The following PCDHGB4 variants were observed in gnomAD, a reference collection of about 807,000 sequenced individuals.
The protein encoded by PCDHGB4 is protocadherin gamma-B4.
In PCDHGB4, 38 loss-of-function variants were observed where a neutral mutation model predicts 60.5. That is an observed-to-expected ratio of 0.63 (90% CI 0.48 to 0.82). The LOEUF is 0.82. Ranked by LOEUF, PCDHGB4 falls within the 40% of genes least tolerant of loss-of-function variation. The pLI, the probability that PCDHGB4 is intolerant of heterozygous loss-of-function variation, is 0.00. For synonymous variants in PCDHGB4, 456 were observed against 509.7 expected (o/e 0.89, Z 1.42); for missense variants, 1,109 against 1,209.6 (o/e 0.92, Z 1.23).
intron 1 of PCDHGB4, among the ~76,000 whole-genome samples, chr5:141,439,043 G>T (rs1688170264): frequency 6.6e-6 from 1 of 151,346 alleles, no homozygotes; most frequent in Non-Finnish European, 1.5e-5. Flanking sequence ...CAGTTCATAA[G>T]ATTTCCATAT....
chr5:141,499,404 T>G (rs1468724077), intron 2 of PCDHGB4, among the ~76,000 whole-genome samples: 3 of 152,178 alleles, frequency 2.0e-5, no homozygotes, highest in African/African-American at 7.2e-5. Context: ...ACATGCTCAT[T>G]ATAGAAACAT....
intron 1 of PCDHGB4, among the ~76,000 whole-genome samples, chr5:141,443,756 A>G (rs1234457212): frequency 6.6e-6 from 1 of 152,232 alleles, no homozygotes; most frequent in Non-Finnish European, 1.5e-5. Flanking sequence ...TTGGAAGCTT[A>G]CAATATACAA....
At chr5:141,420,211 T>C (rs759486952) in intron 1 of PCDHGB4, 11 of 1,612,388 alleles carry the variant, frequency 6.8e-6, no homozygotes, top group African/African-American at 1.3e-5. Context: ...TCAACAAAGA[T>C]AGCATGCTAC....
chr5:141,418,597 G>T, intron 1 of PCDHGB4: 7 of 1,614,052 alleles, frequency 4.3e-6, no homozygotes, highest in South Asian at 1.1e-5. Flanking sequence ...GCCAGGACGT[G>T]TACAGGGTTA....
intron 1 of PCDHGB4, among the ~76,000 whole-genome samples, chr5:141,452,868 C>T (rs1339532803): frequency 6.6e-6 from 1 of 152,170 alleles, no homozygotes; most frequent in Non-Finnish European, 1.5e-5. Flanking sequence ...TTTTCTAACT[C>T]CATTTGTAAT....
At position 141,490,938 on chromosome 5, in the gene PCDHGB4, C is replaced by T. The variant is rs2099706179; in HGVS notation, c.2398-3869C>T. ...ATGATAATGCCCCAGCTGTGCTGCA[C>T]CCACGGCCAGACTGGGAACACTCAG... On this transcript the variant is annotated intron_variant, in intron 1 of 3. Coordinates refer to ENST00000519479, the MANE Select transcript of PCDHGB4 (RefSeq NM_003736.4). This position sits in a 1 kb window ranked among gnomAD's most constrained non-coding sequence, Gnocchi z 5.4. 6.2e-7 allele frequency: 1 copy of T among 1,613,554 alleles called. No homozygotes were observed. Among genetic ancestry groups the T allele is most frequent in the African/African-American group, 1.3e-5 (1 of 74,934 alleles).
chr5:141,409,825 G>T (rs748261010), intron 1 of PCDHGB4: 8 of 1,610,680 alleles, frequency 5.0e-6, no homozygotes, highest in Admixed American at 3.4e-5. Context: ...GCTCGCCCAC[G>T]CTCAGCGCCA....
chr5:141,504,315 A>G (rs573050088), intron 2 of PCDHGB4, among the ~76,000 whole-genome samples: 1 of 152,248 alleles, frequency 6.6e-6, no homozygotes, highest in East Asian at 1.9e-4. Flanking sequence ...AGTTTCTAAA[A>G]GTCTCACTTA....
chr5:141,389,036 G>A lies in PCDHGB4; in HGVS notation c.1152G>A (p.Leu384=). 6.2e-7 allele frequency: 1 copy of A among 1,613,928 alleles called. No individual in the cohort carries two copies. Among genetic ancestry groups the A allele is most frequent in the Non-Finnish European group, 8.5e-7 (1 of 1,179,852 alleles). ...SRHNGEVTCK[L]EGDVPFKILT... ...ACAATGGAGAAGTGACTTGTAAATT[G>A]GAAGGTGATGTTCCATTTAAAATAT... Residue 384 remains leucine (L), a synonymous_variant, in exon 1 of 4, where the codon TTG becomes TTA. Transcript: ENST00000519479.
intron 1 of PCDHGB4, chr5:141,392,285 A>G (rs554377698): frequency 6.6e-6 from 1 of 152,312 alleles, no homozygotes; most frequent in East Asian, 1.9e-4. Flanking sequence ...TTAGAGCACA[A>G]TGGGAAATGA....
Position 141,464,048 on chromosome 5 carries a change from T to G in PCDHGB4, c.2398-30759T>G, listed in dbSNP as rs377735829. Reference sequence around the variant, plus strand: ...GGGAGGCCAAGGCGGGTGGATCACCTGAGGTCAGGAGTTCAAGGCCAGCCT... The same window carrying G: ...GGGAGGCCAAGGCGGGTGGATCACCGGAGGTCAGGAGTTCAAGGCCAGCCT... On this transcript the variant is annotated intron_variant, in intron 1 of 3. Transcript: ENST00000519479. 1.2e-4 allele frequency among the ~76,000 whole-genome samples: 18 copies of G among 152,260 alleles called. No individual in the cohort carries two copies. In the East Asian group the frequency reaches 3.5e-3, roughly 29 times the overall value.
At chr5:141,400,385 C>G (rs903146096) in intron 1 of PCDHGB4, 1 of 1,614,074 alleles carries the variant, frequency 6.2e-7, no homozygotes, top group Admixed American at 1.7e-5. Flanking sequence ...CTATGTGTTG[C>G]ACATACAGGA....
chr5:141,493,289 C>T lies in PCDHGB4; in HGVS notation c.2398-1518C>T, dbSNP rs925045650. 2.6e-5 allele frequency among the ~76,000 whole-genome samples: 4 copies of T among 152,176 alleles called. No individual in the cohort carries two copies. Among genetic ancestry groups the T allele is most frequent in the Non-Finnish European group, 5.9e-5 (4 of 68,030 alleles). On this transcript the variant is annotated intron_variant, in intron 1 of 3. Coordinates refer to ENST00000519479, the MANE Select transcript of PCDHGB4 (RefSeq NM_003736.4). The surrounding 1 kb of genome is among the most constrained non-coding windows in gnomAD (Gnocchi z 4.3). ...CTTCACAGAGGTCAAGTGACTTGCT[C>T]AAGTTCACAGAGCAAGTAAGAGAGA...
chr5:141,491,508 G>T lies in PCDHGB4; in HGVS notation c.2398-3299G>T. 1 of 1,614,030 alleles carries T rather than the reference G, an allele frequency of 6.2e-7. No homozygotes were observed. Among genetic ancestry groups the T allele is most frequent in the Non-Finnish European group, 8.5e-7 (1 of 1,180,014 alleles). ...ACCTGCAGGTGAGCTCGGACGGCACGCTCAAGTACATGGAGGTGACGCTGC... is the reference window on the plus strand; with the variant it reads ...ACCTGCAGGTGAGCTCGGACGGCACTCTCAAGTACATGGAGGTGACGCTGC... On this transcript the variant is annotated intron_variant, in intron 1 of 3. Transcript: ENST00000519479. The surrounding 1 kb of genome is among the most constrained non-coding windows in gnomAD (Gnocchi z 6.9).
chr5:141,496,943 T>C (rs1023861484), intron 2 of PCDHGB4, among the ~76,000 whole-genome samples: 2 of 151,258 alleles, frequency 1.3e-5, no homozygotes, highest in African/African-American at 2.4e-5. Flanking sequence ...CCCAGCACTT[T>C]GGGAGGCCAA....
At chr5:141,498,980 GGAAGGAA>G in intron 2 of PCDHGB4, among the ~76,000 whole-genome samples, 1 of 44,970 alleles carries the variant, frequency 2.2e-5, no homozygotes, top group South Asian at 1.0e-3. Context: ...AGGGAAGGAA[GGAAGGAA>G]GGAAGGAAGG....
chr5:141,395,542 T>TTGTTTGTGTGTG (rs1267535064), intron 1 of PCDHGB4: 12 of 168,716 alleles, frequency 7.1e-5, no homozygotes, highest in African/African-American at 6.9e-4. Flanking sequence ...TTGCTATTGT[T>TTGTTTGTGTGTG]TGTGTGTGTG....
At chr5:141,505,554 C>T in intron 3 of PCDHGB4, 73 bp downstream of exon 3, 1 of 1,606,130 alleles carries the variant, frequency 6.2e-7, no homozygotes, top group Non-Finnish European at 8.5e-7. Context: ...AGCCACCATG[C>T]CCACGGACTG....
chr5:141,421,507 G>A lies in PCDHGB4; in HGVS notation c.2397+31226G>A, dbSNP rs758920296. On this transcript the variant is annotated intron_variant, in intron 1 of 3. Coordinates refer to ENST00000519479, the MANE Select transcript of PCDHGB4 (RefSeq NM_003736.4). ...GATCACGGCAGGCAGGATAGACCGG[G>A]AGGAGCTCTGTGAGACGGTGTCCTC... The A allele has an allele frequency of 6.8e-6, 11 of 1,614,070 alleles. No homozygotes were observed. The South Asian group carries it at 1.2e-4, about 18-fold the overall frequency.
Sources: gnomAD v4.1 joint callset for allele counts (sites outside exome capture counted in the v4.1 genomes callset) on GRCh38, gnomAD v4.1.1 for gene constraint, Gnocchi (gnomAD v3.1) non-coding constraint, MANE v1.5 for transcripts, NCBI Gene and HGNC (gene_info 2026-07-23, HGNC 2026-07-21) for gene names.